SBF2: variants seen among roughly 807,000 people sequenced by gnomAD.
SBF2 encodes the protein myotubularin-related protein 13.
SBF2 carries 112 observed loss-of-function variants against 225.2 expected under a neutral mutation model. The observed-to-expected ratio is 0.50, with a 90% CI of 0.43 to 0.58. The LOEUF is 0.58. Among genes scored for constraint, SBF2 ranks in the 20% least tolerant of loss-of-function variants. The pLI is 0.00. For missense variants in SBF2, 1,996 were observed against 2,206.2 expected, an observed-to-expected ratio of 0.90 and a Z score of 1.91; for synonymous variants, 763 against 773.3, an observed-to-expected ratio of 0.99 and a Z score of 0.22.
chr11:9,968,647 T>C (rs1867124296), intron 13 of SBF2, 102 bp from the exon 14 acceptor site: 2 of 909,122 alleles, frequency 2.2e-6, no homozygotes, highest in South Asian at 2.6e-5. Context: ...TGGGTAGTTA[T>C]ACATACATTC....
intron 6 of SBF2, among the ~76,000 whole-genome samples, chr11:10,004,574 T>TAAAAAAAAAAAAAAAAAA (rs763688115): frequency 2.3e-5 from 2 of 85,554 alleles, no homozygotes; most frequent in Non-Finnish European, 4.6e-5. Context: ...CTACAAAAAT[T>TAAAAAAAAAAAAAAAAAA]AAAAAAAAAA....
intron 2 of SBF2, among the ~76,000 whole-genome samples, chr11:10,177,040 C>T (rs1448798149): frequency 2.1e-4 from 32 of 151,642 alleles, no homozygotes; most frequent in Non-Finnish European, 3.8e-4. Flanking sequence ...GTTCAATATA[C>T]GCAAATCAAT....
intron 1 of SBF2, among the ~76,000 whole-genome samples, chr11:10,283,986 T>G (rs1240532926): frequency 6.6e-6 from 1 of 152,216 alleles, no homozygotes; most frequent in Non-Finnish European, 1.5e-5. Flanking sequence ...CCACTGGACA[T>G]TATGTTTTTC....
chr11:9,831,003 A>C (rs1316019526), intron 27 of SBF2, among the ~76,000 whole-genome samples: 1 of 151,890 alleles, frequency 6.6e-6, no homozygotes, highest in African/African-American at 2.4e-5. Flanking sequence ...CTATTATTTT[A>C]TTTCATTTTT....
intron 2 of SBF2, among the ~76,000 whole-genome samples, chr11:10,111,814 T>C (rs891083178): frequency 7.2e-5 from 11 of 152,112 alleles, no homozygotes; most frequent in African/African-American, 2.7e-4. Context: ...GAGACAGAAA[T>C]TGCAGTGAGC....
At chr11:9,891,892 TA>T (rs1328755672) in intron 17 of SBF2, among the ~76,000 whole-genome samples, 1 of 152,154 alleles carries the variant, frequency 6.6e-6, no homozygotes, top group Non-Finnish European at 1.5e-5. Flanking sequence ...CTCTAAAAGA[TA>T]AACATAACCT....
intron 1 of SBF2, among the ~76,000 whole-genome samples, chr11:10,263,764 A>T (rs576467959): frequency 6.6e-6 from 1 of 152,304 alleles, no homozygotes; most frequent in East Asian, 1.9e-4. Flanking sequence ...TCCTGGCTGA[A>T]ATTAAACTCT....
chr11:9,790,916 A>G (rs1852701621), intron 33 of SBF2: 1 of 415,118 alleles, frequency 2.4e-6, no homozygotes, highest in East Asian at 5.1e-5. Flanking sequence ...TTGCCTAAGC[A>G]GCCAGCAGTC....
Position 9,816,840 on chromosome 11 carries a change from C to A in SBF2, c.3978G>T (p.Arg1326Ser). 1 of 1,613,888 alleles carries A rather than the reference C, an allele frequency of 6.2e-7. No individual in the cohort carries two copies. The highest frequency in any genetic ancestry group is 8.5e-7 in the Non-Finnish European group (1 of 1,179,894). The change falls in exon 29 of 40, where the codon AGG (arginine) becomes AGT (serine). Residue 1326 changes from arginine to serine, a missense_variant and splice_region_variant. Coordinates refer to ENST00000256190, the MANE Select transcript of SBF2 (RefSeq NM_030962.4). ...LYIFGEKSQL[R>S]NFKVEFALNC... ...CTAAGTGAGAAAAAAGAAATCTTAC[C>A]CTTAGTTGCGACTTTTCACCAAATA...
At chr11:10,252,292 T>A (rs1315726348) in intron 1 of SBF2, among the ~76,000 whole-genome samples, 1 of 152,228 alleles carries the variant, frequency 6.6e-6, no homozygotes, top group Non-Finnish European at 1.5e-5. Context: ...TGACCAAAAG[T>A]GGGAAATTGT....
intron 17 of SBF2, among the ~76,000 whole-genome samples, chr11:9,879,347 A>G (rs1546543): frequency 0.069 from 10,517 of 152,220 alleles, 563 homozygotes; most frequent in East Asian, 0.29. Context: ...TCTTTTCTCA[A>G]TTATGTTATT....
At chr11:10,063,366 A>AT (rs60997102) in intron 2 of SBF2, among the ~76,000 whole-genome samples, 38 of 145,576 alleles carry the variant, frequency 2.6e-4, no homozygotes, top group Admixed American at 2.1e-4. Flanking sequence ...TTTTTATTTT[A>AT]TTTTTTTTTG....
intron 16 of SBF2, among the ~76,000 whole-genome samples, chr11:9,926,597 G>T: frequency 6.6e-6 from 1 of 152,050 alleles, no homozygotes; most frequent in Non-Finnish European, 1.5e-5. Context: ...ACCTCTGAAA[G>T]ATCCACGCAA....
At chr11:9,952,008 C>T (rs1590585414) in intron 16 of SBF2, among the ~76,000 whole-genome samples, 1 of 152,204 alleles carries the variant, frequency 6.6e-6, no homozygotes, top group East Asian at 1.9e-4. Context: ...CGTCAACCTC[C>T]ACATCTTTAA....
intron 13 of SBF2, among the ~76,000 whole-genome samples, chr11:9,975,832 T>C (rs1243966752): frequency 6.6e-6 from 1 of 152,192 alleles, no homozygotes; most frequent in East Asian, 1.9e-4. Context: ...AATTCCTTTA[T>C]TCACAGTTGG....
intron 2 of SBF2, among the ~76,000 whole-genome samples, chr11:10,126,335 T>C (rs1025261231): frequency 6.6e-6 from 1 of 152,128 alleles, no homozygotes; most frequent in Non-Finnish European, 1.5e-5. Context: ...TGGAGTTTCA[T>C]TATCAATTAT....
intron 6 of SBF2, among the ~76,000 whole-genome samples, chr11:10,023,877 A>C (rs1039401339): frequency 6.6e-6 from 1 of 151,822 alleles, no homozygotes; most frequent in Non-Finnish European, 1.5e-5. Context: ...CTTTTTTTTT[A>C]AGAATCTGAT....
At chr11:10,181,696 T>C (rs1956742636) in intron 2 of SBF2, among the ~76,000 whole-genome samples, 1 of 152,114 alleles carries the variant, frequency 6.6e-6, no homozygotes, top group African/African-American at 2.4e-5. Flanking sequence ...AGTAAACTAT[T>C]TCTGAATGTT....
chr11:9,976,814 G>A (rs1362714977), intron 13 of SBF2, among the ~76,000 whole-genome samples: 1 of 151,592 alleles, frequency 6.6e-6, no homozygotes, highest in African/African-American at 2.4e-5. Flanking sequence ...TGTTGCCCAG[G>A]CTGGAGTGCA....
Sources: allele counts gnomAD v4.1 joint callset (sites outside exome capture counted in the v4.1 genomes callset), GRCh38; gene constraint gnomAD v4.1.1; transcripts MANE v1.5; gene names NCBI Gene and HGNC (gene_info 2026-07-23, HGNC 2026-07-21).